Variants in WWOX observed in about 807,000 individuals in gnomAD.
The protein encoded by WWOX is WW domain containing oxidoreductase, also known as WW domain-containing oxidoreductase.
In WWOX, 69 loss-of-function variants were observed where a neutral mutation model predicts 46.2. That is an observed-to-expected ratio of 1.49 (90% CI 1.23 to 1.82). The LOEUF (loss-of-function observed/expected upper bound fraction) is 1.82, where lower values mean the gene tolerates loss of function less well. Ranked by LOEUF, WWOX falls within the 40% of genes most tolerant of loss-of-function variation. The pLI is 0.00. For synonymous variants in WWOX, 359 were observed against 202.6 expected, an observed-to-expected ratio of 1.77 and a Z score of -6.56; for missense variants, 919 against 542.6, an observed-to-expected ratio of 1.69 and a Z score of -6.89.
intron 8 of WWOX, among the ~76,000 whole-genome samples, chr16:78,557,819 C>T (rs1225879200): frequency 1.3e-5 from 2 of 151,284 alleles, no homozygotes; most frequent in South Asian, 2.1e-4. Context: ...CGTCAGCCTC[C>T]TGAGTAGCTG....
intron 8 of WWOX, among the ~76,000 whole-genome samples, chr16:79,068,862 T>TAAG (rs534924193): frequency 7.1e-6 from 1 of 140,420 alleles, no homozygotes; most frequent in Non-Finnish European, 1.5e-5. Context: ...ATAATAATAA[T>TAAG]AAAGAAAGCG....
chr16:78,712,070 A>T (rs573900696), intron 8 of WWOX, among the ~76,000 whole-genome samples: 7 of 152,176 alleles, frequency 4.6e-5, no homozygotes, highest in African/African-American at 1.7e-4. Context: ...TATATTCATT[A>T]TAGATGTCTT....
chr16:78,911,798 G>A (rs1206212290), intron 8 of WWOX, among the ~76,000 whole-genome samples: 6 of 152,014 alleles, frequency 3.9e-5, no homozygotes, highest in African/African-American at 1.2e-4. Context: ...CCCGGGAAGC[G>A]GAGGTTGCAG....
intron 8 of WWOX, among the ~76,000 whole-genome samples, chr16:78,778,648 G>A (rs962566280): frequency 6.6e-6 from 1 of 152,154 alleles, no homozygotes; most frequent in East Asian, 1.9e-4. Context: ...TGTTTTCTCA[G>A]TATGTGAAAT....
At chr16:79,036,406 A>G (rs2047867293) in intron 8 of WWOX, among the ~76,000 whole-genome samples, 1 of 152,224 alleles carries the variant, frequency 6.6e-6, no homozygotes, top group Admixed American at 6.5e-5. Flanking sequence ...GCCTCATAGA[A>G]TTATTGCCCG....
intron 5 of WWOX, among the ~76,000 whole-genome samples, chr16:78,372,482 C>CA (rs1398798037): frequency 6.6e-6 from 1 of 152,164 alleles, no homozygotes; most frequent in East Asian, 1.9e-4. Context: ...ATGATAGAAT[C>CA]ACGCTGGGGA....
intron 8 of WWOX, among the ~76,000 whole-genome samples, chr16:78,712,276 G>C (rs1165507916): frequency 6.6e-6 from 1 of 152,096 alleles, no homozygotes; most frequent in Non-Finnish European, 1.5e-5. Flanking sequence ...GGCCGAGGTG[G>C]GCAGATCATG....
At chr16:78,422,387 T>C (rs1434107758) in intron 6 of WWOX, among the ~76,000 whole-genome samples, 1 of 151,706 alleles carries the variant, frequency 6.6e-6, no homozygotes, top group Non-Finnish European at 1.5e-5. Flanking sequence ...AGAGTCTTGC[T>C]CTGATGCCTG....
chr16:78,678,466 A>T (rs968747729), intron 8 of WWOX, among the ~76,000 whole-genome samples: 3 of 152,186 alleles, frequency 2.0e-5, no homozygotes, highest in Non-Finnish European at 4.4e-5. Flanking sequence ...TTCAACAAAC[A>T]TTTGAGCACC....
intron 8 of WWOX, among the ~76,000 whole-genome samples, chr16:78,457,321 C>A (rs528400718): frequency 6.6e-6 from 1 of 152,142 alleles, no homozygotes; most frequent in African/African-American, 2.4e-5. Context: ...TCTTTTCATT[C>A]AGTTCAGATT....
intron 5 of WWOX, among the ~76,000 whole-genome samples, chr16:78,271,146 C>T (rs773611382): frequency 5.3e-5 from 8 of 152,168 alleles, no homozygotes; most frequent in Admixed American, 1.3e-4. Flanking sequence ...CATCTGTGGA[C>T]GCTGTTCTGT....
At chr16:78,569,755 TC>T (rs1350448405) in intron 8 of WWOX, among the ~76,000 whole-genome samples, 1 of 152,238 alleles carries the variant, frequency 6.6e-6, no homozygotes, top group Non-Finnish European at 1.5e-5. Context: ...AAGTGCTTCT[TC>T]CTTATCTTGA....
chr16:78,434,325 G>T (rs891096495), intron 8 of WWOX, among the ~76,000 whole-genome samples: 2 of 152,160 alleles, frequency 1.3e-5, no homozygotes, highest in African/African-American at 4.8e-5. Flanking sequence ...CTTACCTGTA[G>T]GTGGATCACA....
chr16:78,995,760 C>G (rs893718307), intron 8 of WWOX, among the ~76,000 whole-genome samples: 10 of 152,084 alleles, frequency 6.6e-5, no homozygotes, highest in Non-Finnish European at 1.2e-4. Flanking sequence ...TGTTTATGAA[C>G]CCTGCAATTT....
chr16:78,769,862 TAAAAAA>T (rs1037040070), intron 8 of WWOX, among the ~76,000 whole-genome samples: 6 of 150,554 alleles, frequency 4.0e-5, no homozygotes, highest in African/African-American at 1.5e-4. Flanking sequence ...AAAAATAAAA[TAAAAAA>T]ATAAAAATAA....
At chr16:78,203,279 C>T (rs905033603) in intron 5 of WWOX, among the ~76,000 whole-genome samples, 13 of 151,984 alleles carry the variant, frequency 8.6e-5, no homozygotes, top group Admixed American at 7.9e-4. Context: ...TTTGGGGGGC[C>T]CCAAGTAGAT....
At chr16:78,980,502 C>G (rs1178777530) in intron 8 of WWOX, among the ~76,000 whole-genome samples, 1 of 152,166 alleles carries the variant, frequency 6.6e-6, no homozygotes, top group Non-Finnish European at 1.5e-5. Flanking sequence ...AAATTGACTG[C>G]CTGGCAATCC....
intron 8 of WWOX, among the ~76,000 whole-genome samples, chr16:78,824,884 G>A (rs534392876): frequency 1.3e-5 from 2 of 152,148 alleles, no homozygotes; most frequent in African/African-American, 4.8e-5. Flanking sequence ...ACAGAACAGA[G>A]AGGAAGCGAC....
intron 8 of WWOX, among the ~76,000 whole-genome samples, chr16:78,732,535 A>G (rs2048993180): frequency 1.3e-5 from 2 of 152,154 alleles, no homozygotes. Context: ...GAATTCATGA[A>G]TAGCGCATGT....
Sources: gnomAD v4.1 joint callset for allele counts (sites outside exome capture counted in the v4.1 genomes callset) on GRCh38, gnomAD v4.1.1 for gene constraint, MANE v1.5 for transcripts, NCBI Gene and HGNC (gene_info 2026-07-23, HGNC 2026-07-21) for gene names.